Variants in ARHGAP32 observed in about 807,000 individuals in gnomAD.
ARHGAP32 encodes the protein Rho GTPase activating protein 32.
Under a neutral mutation model 186.5 loss-of-function variants are expected in ARHGAP32, and 51 were observed. That is an observed-to-expected ratio of 0.27 (90% confidence interval 0.22 to 0.35). The LOEUF is 0.35. ARHGAP32 is among the 10% of genes least tolerant of loss of function. ARHGAP32 has a pLI of 1.00. For missense variants in ARHGAP32, 2,186 were observed against 2,623.5 expected (o/e 0.83, Z 3.64); for synonymous variants, 950 against 964.3 (o/e 0.99, Z 0.27).
At chr11:129,069,252 T>C (rs1297377200) in intron 6 of ARHGAP32, among the ~76,000 whole-genome samples, 2 of 152,094 alleles carry the variant, frequency 1.3e-5, no homozygotes, top group Non-Finnish European at 2.9e-5. Flanking sequence ...ACACAGCTAA[T>C]AGCTTGGCTC....
intron 11 of ARHGAP32, among the ~76,000 whole-genome samples, chr11:129,013,353 A>G (rs1938182585): frequency 1.3e-5 from 2 of 152,196 alleles, no homozygotes; most frequent in Admixed American, 6.5e-5. Flanking sequence ...TGGGTGTGTG[A>G]GTGGGAGGGG....
intron 1 of ARHGAP32, among the ~76,000 whole-genome samples, chr11:129,181,698 C>G (rs557235639): frequency 6.6e-6 from 1 of 152,254 alleles, no homozygotes; most frequent in Admixed American, 6.5e-5. Flanking sequence ...GACTATGGAA[C>G]AGAGGTTTGC....
chr11:129,244,330 T>A lies in ARHGAP32; in HGVS notation c.-5+34816A>T, dbSNP rs557905047. Among the ~76,000 whole-genome samples the A allele has an allele frequency of 2.0e-5, 3 of 152,272 alleles. No individual in the cohort carries two copies. In the East Asian group the frequency reaches 5.8e-4, roughly 29 times the overall value. On this transcript the variant is annotated intron_variant, in intron 1 of 6. Coordinates refer to the ARHGAP32 transcript ENST00000525234. ...TATAAATAATTCTGCAAATAATGTA[T>A]CTGCATATATGGTTAGTTCCATATT... is the stretch of plus-strand genomic sequence containing the variant.
intron 11 of ARHGAP32, among the ~76,000 whole-genome samples, chr11:129,028,260 A>C (rs1938951283): frequency 6.6e-6 from 1 of 152,220 alleles, no homozygotes; most frequent in Admixed American, 6.5e-5. Flanking sequence ...CTGAATGCAA[A>C]TTCAAGTTTG....
chr11:129,172,864 C>A (rs1025923592), intron 1 of ARHGAP32, among the ~76,000 whole-genome samples: 1 of 151,562 alleles, frequency 6.6e-6, no homozygotes, highest in Non-Finnish European at 1.5e-5. Context: ...CAAATGGACA[C>A]CCGAACATCA....
upstream of ARHGAP32, among the ~76,000 whole-genome samples, chr11:129,193,667 T>TATATATAATATATA (rs1221470085): frequency 8.5e-5 from 4 of 47,222 alleles, no homozygotes; most frequent in African/African-American, 2.7e-4. Flanking sequence ...CAATATATAT[T>TATATATAATATATA]ATATATAATA....
At chr11:128,985,831 C>CGCGTGT (rs1945850001) in intron 15 of ARHGAP32, 172 bp downstream of exon 15, 2 of 115,616 alleles carry the variant, frequency 1.7e-5, no homozygotes, top group Non-Finnish European at 1.7e-5. Flanking sequence ...TGTGTGTGTG[C>CGCGTGT]GTGTGTGTGT....
chr11:129,225,538 T>C (rs1210170785), intron 1 of ARHGAP32, among the ~76,000 whole-genome samples: 1 of 152,116 alleles, frequency 6.6e-6, no homozygotes, highest in Non-Finnish European at 1.5e-5. Context: ...TTGAACAGAC[T>C]TCTGTGGCCA....
At chr11:129,237,691 G>GC (rs748558750) in intron 1 of ARHGAP32, among the ~76,000 whole-genome samples, 9 of 152,156 alleles carry the variant, frequency 5.9e-5, no homozygotes, top group Non-Finnish European at 1.2e-4. Flanking sequence ...TACGGTGAGG[G>GC]CAACAAAGTG....
At chr11:129,273,036 G>C (rs1319028501) in intron 1 of ARHGAP32, among the ~76,000 whole-genome samples, 1 of 152,180 alleles carries the variant, frequency 6.6e-6, no homozygotes, top group African/African-American at 2.4e-5. Flanking sequence ...CCAAATTTCA[G>C]AGTTGGAGGG....
At chr11:129,279,238 CGCCCG>C (rs1565488371) in exon 1 of ARHGAP32, 2 of 8,998 alleles carry the variant, frequency 2.2e-4, no homozygotes, top group Non-Finnish European at 6.2e-4. Flanking sequence ...CGACGCCCTC[CGCCCG>C]CCGCCGCCGC....
intron 2 of ARHGAP32, among the ~76,000 whole-genome samples, chr11:129,129,871 A>T (rs1047660559): frequency 1.3e-5 from 2 of 152,184 alleles, no homozygotes; most frequent in African/African-American, 4.8e-5. Flanking sequence ...TTTATAATTA[A>T]CAAAAGAGTT....
At chr11:129,183,417 T>G (rs987556119) in intron 1 of ARHGAP32, among the ~76,000 whole-genome samples, 3 of 152,230 alleles carry the variant, frequency 2.0e-5, no homozygotes, top group African/African-American at 7.2e-5. Flanking sequence ...AACATCTTTA[T>G]GGTGCTGTGT....
rs976965840 is a variant in ARHGAP32 at position 128,968,974 on chromosome 11, C to T, written c.6239G>A (p.Gly2080Asp). 1.9e-6 allele frequency: 3 copies of T among 1,588,112 alleles called. No individual in the cohort carries two copies. Among genetic ancestry groups the T allele is most frequent in the Non-Finnish European group, 1.7e-6 (2 of 1,162,248 alleles). The change falls in exon 23 of 23, where the codon GGT (glycine) becomes GAT (aspartate). Residue 2080 changes from glycine (G) to aspartate (D), a missense_variant. Physicochemically the swap from Gly to Asp is moderately conservative, Grantham distance 94. Coordinates refer to ENST00000682385, the MANE Select transcript of ARHGAP32 (RefSeq NM_001378024.1). ...PQSRTYATAL[G>D]QGAFLPAELS... is the part of the protein sequence containing the mutation. ...CTCTGCGGGCAGGAAGGCCCCTTGA[C>T]CCAACGCTGTAGCATAGGTCCTGCT...
intron 22 of ARHGAP32, 103 bp from the exon 23 acceptor site, chr11:128,971,262 T>G: frequency 1.0e-6 from 1 of 1,002,782 alleles, no homozygotes; most frequent in Non-Finnish European, 1.4e-6. Flanking sequence ...GGGTAGCAGC[T>G]TGAACTTTCC....
At chr11:129,170,618 G>C (rs551721737) in intron 1 of ARHGAP32, among the ~76,000 whole-genome samples, 1 of 152,150 alleles carries the variant, frequency 6.6e-6, no homozygotes, top group South Asian at 2.1e-4. Context: ...CTCTGCTGTT[G>C]TAAACAGTGC....
At chr11:129,261,602 A>G (rs1945321321) in intron 1 of ARHGAP32, among the ~76,000 whole-genome samples, 1 of 152,228 alleles carries the variant, frequency 6.6e-6, no homozygotes, top group African/African-American at 2.4e-5. Flanking sequence ...GAAAGCCAGT[A>G]AAAACCAAGC....
intron 10 of ARHGAP32, among the ~76,000 whole-genome samples, chr11:129,054,127 A>G (rs1385838567): frequency 2.0e-5 from 3 of 152,100 alleles, no homozygotes; most frequent in Non-Finnish European, 4.4e-5. Context: ...GAAAACTCAC[A>G]ATATTTGGGG....
intron 1 of ARHGAP32, among the ~76,000 whole-genome samples, chr11:129,264,726 G>A (rs1046588210): frequency 1.1e-4 from 16 of 152,102 alleles, no homozygotes; most frequent in African/African-American, 3.6e-4. Context: ...AGGTGGGCAC[G>A]GTAATCTAGA....
Sources: gnomAD v4.1 joint callset for allele counts (sites outside exome capture counted in the v4.1 genomes callset) on GRCh38, gnomAD v4.1.1 for gene constraint, MANE v1.5 for transcripts, NCBI Gene and HGNC (gene_info 2026-07-23, HGNC 2026-07-21) for gene names.